C1S: variants seen among roughly 807,000 people sequenced by gnomAD.
The protein encoded by C1S is complement C1s, also known as complement C1s subcomponent.
Under a neutral mutation model 54.0 loss-of-function variants are expected in C1S, and 31 were observed. The ratio of observed to expected loss-of-function variants is 0.57; its 90% CI spans 0.43 to 0.78. The LOEUF is 0.78. Among genes scored for constraint, C1S ranks in the 30% least tolerant of loss-of-function variants. The pLI, the probability that C1S is intolerant of heterozygous loss-of-function variation, is 0.00. For missense variants in C1S, 727 were observed against 851.8 expected, an observed-to-expected ratio of 0.85 and a Z score of 1.82; for synonymous variants, 292 against 303.6, an observed-to-expected ratio of 0.96 and a Z score of 0.40.
At chr12:7,067,896 C>T (rs1409618816) in intron 10 of C1S, 125 bp downstream of exon 10, 1 of 1,041,844 alleles carries the variant, frequency 9.6e-7, no homozygotes, top group Admixed American at 1.9e-5. Flanking sequence ...ATTGTTCATC[C>T]CCTTGGCTTC....
chr12:7,066,454 T>A, intron 7 of C1S, 64 bp from the exon 8 acceptor site: 1 of 916,846 alleles, frequency 1.1e-6, no homozygotes. Context: ...ATGATGTAAA[T>A]AGAATGAGAG....
rs934893522 is a variant in C1S, at chr12:7,065,171, C to G, written c.589C>G (p.Pro197Ala). The change falls in exon 6 of 12, where the codon CCA (proline) becomes GCA (alanine). Residue 197 changes from proline (P) to alanine (A), a missense_variant. Pro to Ala is a conservative substitution (Grantham distance 27, BLOSUM62 -1). Coordinates refer to ENST00000360817, the MANE Select transcript of C1S (RefSeq NM_001734.5). ...AAGTCCCAATTATCCCAAACCATAT[C>G]CAGAGAACTCAAGGTGTGAATACCA... ...IASPNYPKPY[P>A]ENSRCEYQIR... 3 of 1,613,842 alleles carry G rather than the reference C, an allele frequency of 1.9e-6. No individual in the cohort carries two copies. Among genetic ancestry groups the G allele is most frequent in the African/African-American group, 2.7e-5 (2 of 74,874 alleles).
rs1555161316 is a variant in C1S at position 7,061,881 on chromosome 12, G to T, written c.-32G>T. 1 of 1,613,760 alleles carries T rather than the reference G, an allele frequency of 6.2e-7. No homozygotes were observed. The highest frequency in any genetic ancestry group is 8.5e-7 in the Non-Finnish European group (1 of 1,179,850). On this transcript the variant is annotated 5_prime_UTR_variant, in exon 2 of 12. The change creates a new upstream start codon in the 5' untranslated region. Coordinates refer to ENST00000360817, the MANE Select transcript of C1S (RefSeq NM_001734.5). ...TGCAGAAAGCCAGGACCAAGAGACAGGCAGCTCACCAGGGTGGACAAATCG... is the reference window on the plus strand; with the variant it reads ...TGCAGAAAGCCAGGACCAAGAGACATGCAGCTCACCAGGGTGGACAAATCG...
rs369281983 is a variant in C1S at position 7,061,870 on chromosome 12, A to G, written c.-43A>G. The G allele has an allele frequency of 3.4e-5, 55 of 1,613,606 alleles. No individual in the cohort carries two copies. The highest frequency in any genetic ancestry group is 4.0e-5 in the African/African-American group (3 of 74,892). ...AAGTCCGGAGGTGCAGAAAGCCAGG[A>G]CCAAGAGACAGGCAGCTCACCAGGG... On this transcript the variant is annotated 5_prime_UTR_variant, in exon 2 of 12. Transcript: ENST00000360817.
chr12:7,062,641 G>A lies in C1S; in HGVS notation c.172G>A (p.Asp58Asn). The A allele has an allele frequency of 6.2e-7, 1 of 1,614,122 alleles. No homozygotes were observed. The highest frequency in any genetic ancestry group is 1.7e-4 in the Middle Eastern group (1 of 6,054). Residue 58 changes from aspartate (D) to asparagine (N), a missense_variant, in exon 3 of 12, where the codon GAC becomes AAC. Transcript: ENST00000360817. ...YGIHLYFTHLDIELSENCAYD... is the reference protein window; with the variant it reads ...YGIHLYFTHLNIELSENCAYD... Reference sequence around the variant, plus strand: ...GATTCACCTCTACTTCACCCATCTGGACATTGAGCTGTCAGAGAACTGTGC... The same window carrying A: ...GATTCACCTCTACTTCACCCATCTGAACATTGAGCTGTCAGAGAACTGTGC...
rs143729983 is a variant in C1S, at chr12:7,062,557, C to G, written c.88C>G (p.Gln30Glu). ...YGEILSPNYP[Q>E]AYPSEVEKSW... is the part of the protein sequence containing the mutation. The stretch of plus-strand genomic sequence containing the variant: ...GGAGATCCTGTCCCCTAACTATCCT[C>G]AGGCATATCCCAGTGAGGTAGAGAA... The change falls in exon 3 of 12, where the codon CAG (glutamine) becomes GAG (glutamate). Residue 30 changes from glutamine to glutamate, a missense_variant. By Grantham distance (29) the Gln-to-Glu change is conservative. Coordinates refer to ENST00000360817, the MANE Select transcript of C1S (RefSeq NM_001734.5). 1.6e-5 allele frequency: 26 copies of G among 1,613,946 alleles called. No homozygotes were observed. The African/African-American group carries it at 3.5e-4, about 22-fold the overall frequency.
rs1947166321 is a variant in C1S, at chr12:7,065,819, T to A, written c.720T>A (p.Phe240Leu). Reference protein sequence around the residue: ...SAGNCLDSLVFVAGDRQFGPY... With the variant: ...SAGNCLDSLVLVAGDRQFGPY... Reference sequence around the variant, plus strand: ...TCTGATTTCATCATTTTGTTCAGTTTGTTGCAGGAGATCGGCAATTTGGTC... The same window carrying A: ...TCTGATTTCATCATTTTGTTCAGTTAGTTGCAGGAGATCGGCAATTTGGTC... Residue 240 changes from phenylalanine to leucine, a missense_variant and splice_region_variant, in exon 7 of 12, where the codon TTT (phenylalanine) becomes TTA (leucine). By Grantham distance (22) the Phe-to-Leu change is conservative. This residue lies in a region of C1S where 357 missense variants were observed against 365.4 expected (regional missense o/e 0.98). Coordinates refer to ENST00000360817, the MANE Select transcript of C1S (RefSeq NM_001734.5). The A allele has an allele frequency of 1.2e-6, 2 of 1,613,762 alleles. No homozygotes were observed. The highest frequency in any genetic ancestry group is 8.5e-7 in the Non-Finnish European group (1 of 1,179,752).
intron 5 of C1S, among the ~76,000 whole-genome samples, chr12:7,064,776 C>T (rs782382814): frequency 3.3e-5 from 5 of 151,996 alleles, no homozygotes; most frequent in Non-Finnish European, 7.4e-5. Flanking sequence ...TGAGATGAAG[C>T]CACAAGAAGG....
intron 11 of C1S, 55 bp downstream of exon 11, chr12:7,068,585 C>T: frequency 8.2e-7 from 1 of 1,224,780 alleles, no homozygotes; most frequent in South Asian, 1.2e-5. Context: ...CTGGGAGTCA[C>T]CTTCTGAAAG....
intron 2 of C1S, chr12:7,062,270 CAA>C (rs373096669): frequency 0.029 from 11,937 of 415,314 alleles, no homozygotes; most frequent in East Asian, 0.04. Flanking sequence ...GAACCTGTCT[CAA>C]AAAAAAAAAA....
Position 7,065,901 on chromosome 12 carries a change from C to T in C1S, c.802C>T (p.Leu268Phe). 1 of 1,613,424 alleles carries T rather than the reference C, an allele frequency of 6.2e-7. No individual in the cohort carries two copies. The highest frequency in any genetic ancestry group is 8.5e-7 in the Non-Finnish European group (1 of 1,179,430). ...AAATATTGAAACCAAGAGTAATGCTCTTGATATCATCTTCCAAACTGATCT... is the reference window on the plus strand; with the variant it reads ...AAATATTGAAACCAAGAGTAATGCTTTTGATATCATCTTCCAAACTGATCT... ...PLNIETKSNA[L>F]DIIFQTDLTG... is the part of the protein sequence containing the mutation. Residue 268 changes from leucine (L) to phenylalanine (F), a missense_variant, in exon 7 of 12, where the codon CTT (leucine) becomes TTT (phenylalanine). Physicochemically the swap from Leu to Phe is conservative, Grantham distance 22. This residue lies in a region of C1S where 357 missense variants were observed against 365.4 expected (regional missense o/e 0.98). Transcript: ENST00000360817.
Position 7,067,766 on chromosome 12 carries a change from G to C in C1S, c.1190G>C (p.Gly397Ala). Residue 397 changes from glycine to alanine, a missense_variant, in exon 10 of 12, where the codon GGA becomes GCA. Gly to Ala is a moderately conservative substitution (Grantham distance 60). This residue lies in a region of C1S where 360 missense variants were observed against 453.6 expected (regional missense o/e 0.79). Transcript: ENST00000360817. Reference protein sequence around the residue: ...EEPYYYMENGGGGEYHCAGNG... With the variant: ...EEPYYYMENGAGGEYHCAGNG... ...CCATATTACTACATGGAAAATGGAG[G>C]AGGTGGTAGGTTTCTTCTACTGGAG... 1 of 1,613,984 alleles carries C rather than the reference G, an allele frequency of 6.2e-7. No individual in the cohort carries two copies. The highest frequency in any genetic ancestry group is 8.5e-7 in the Non-Finnish European group (1 of 1,179,864).
intron 7 of C1S, 62 bp downstream of exon 7, chr12:7,066,032 C>T: frequency 6.9e-7 from 1 of 1,456,458 alleles, no homozygotes; most frequent in South Asian, 1.1e-5. Flanking sequence ...AATGTGGGAT[C>T]AAAGCAGGTA....
intron 1 of C1S, chr12:7,061,627 A>C: frequency 1.9e-6 from 1 of 514,724 alleles, no homozygotes; most frequent in Non-Finnish European, 3.5e-6. Flanking sequence ...TAGAGAAGCA[A>C]TGAGGGAAGG....
chr12:7,067,662 T>G lies in C1S; in HGVS notation c.1086T>G (p.Pro362=). Residue 362 remains proline (P), a synonymous_variant, in exon 10 of 12, where the codon CCT becomes CCG. Coordinates refer to ENST00000360817, the MANE Select transcript of C1S (RefSeq NM_001734.5). ...TGGTAGCTGTGGACTGTGGCATTCC[T>G]GAATCCATTGAGAATGGTAAAGTTG... is the stretch of plus-strand genomic sequence containing the variant. The part of the protein sequence containing the change: ...LKCQPVDCGI[P]ESIENGKVED... 1 of 1,614,062 alleles carries G rather than the reference T, an allele frequency of 6.2e-7. No individual in the cohort carries two copies. The highest frequency in any genetic ancestry group is 8.5e-7 in the Non-Finnish European group (1 of 1,179,946).
intron 8 of C1S, 135 bp downstream of exon 8, chr12:7,066,768 G>A (rs1286606249): frequency 6.9e-6 from 5 of 726,086 alleles, no homozygotes; most frequent in South Asian, 4.4e-5. Flanking sequence ...AACAGCTTAA[G>A]ATCTGTAGTT....
chr12:7,069,920 A>G lies in C1S; in HGVS notation c.1336A>G (p.Ile446Val). 6.2e-7 allele frequency: 1 copy of G among 1,614,172 alleles called. No homozygotes were observed. Among genetic ancestry groups the G allele is most frequent in the Non-Finnish European group, 8.5e-7 (1 of 1,180,012 alleles). ...QRIIGGSDAD[I>V]KNFPWQVFFD... is the part of the protein sequence containing the mutation. ...GATAATTGGAGGATCCGATGCAGAT[A>G]TTAAAAACTTCCCCTGGCAAGTCTT... The change falls in exon 12 of 12, where the codon ATT becomes GTT. Residue 446 changes from isoleucine (I) to valine (V), a missense_variant. By Grantham distance (29) the Ile-to-Val change is conservative. This residue lies in a region of C1S where 360 missense variants were observed against 453.6 expected (regional missense o/e 0.79). Coordinates refer to ENST00000360817, the MANE Select transcript of C1S (RefSeq NM_001734.5).
At chr12:7,067,281 C>T in intron 9 of C1S, 164 bp downstream of exon 9, 2 of 685,654 alleles carry the variant, frequency 2.9e-6, no homozygotes, top group Admixed American at 4.2e-5. Flanking sequence ...CCCAGCCCCG[C>T]ATCTGGTCCC....
chr12:7,061,685 G>T lies in C1S; in HGVS notation c.-74-154G>T, dbSNP rs931230609. On this transcript the variant is annotated intron_variant, in intron 1 of 11. Transcript: ENST00000360817. ...AAAGTTAGTCGAAGTTAACTAGGGA[G>T]GGTGTGAGGGGCACGGTGCCATGTG... 19 of 641,822 alleles carry T rather than the reference G, an allele frequency of 3.0e-5. No individual in the cohort carries two copies. In the Admixed American group the frequency reaches 3.9e-4, roughly 13 times the overall value. 39.8% of individuals were successfully genotyped at this position (641,822 alleles called of 1,614,324 possible). A position where few individuals can be genotyped will look rare whatever the true frequency, so the allele number is the denominator to read the frequency against.
Sources: allele counts gnomAD v4.1 joint callset (sites outside exome capture counted in the v4.1 genomes callset), GRCh38; gene constraint gnomAD v4.1.1; regional missense constraint gnomAD v4.1.1; transcripts MANE v1.5; gene names NCBI Gene and HGNC (gene_info 2026-07-23, HGNC 2026-07-21).